The following CPSF1 variants were observed in gnomAD, a reference collection of about 807,000 sequenced individuals.
CPSF1 encodes the protein cleavage and polyadenylation specific factor 1.
CPSF1 carries 106 observed loss-of-function variants against 175.8 expected under a neutral mutation model. That is an observed-to-expected ratio of 0.60 (90% confidence interval 0.52 to 0.71). The LOEUF is 0.71. CPSF1 is among the 30% of genes least tolerant of loss of function. CPSF1 has a pLI of 0.00. For missense variants in CPSF1, 1,734 were observed against 2,022.9 expected, an observed-to-expected ratio of 0.86 and a Z score of 2.74; for synonymous variants, 1,024 against 858.3, an observed-to-expected ratio of 1.19 and a Z score of -3.37.
intron 26 of CPSF1, 164 bp downstream of exon 26, chr8:144,396,184 A>C: frequency 1.3e-6 from 1 of 740,950 alleles, no homozygotes; most frequent in Non-Finnish European, 2.2e-6. Context: ...CTTTGGAGCA[A>C]CCAAGTCACA....
rs782110971 is a variant in CPSF1 at position 144,396,643 on chromosome 8, G to C, written c.2781C>G (p.Arg927=). 1 of 1,613,698 alleles carries C rather than the reference G, an allele frequency of 6.2e-7. No individual in the cohort carries two copies. The highest frequency in any genetic ancestry group is 8.5e-7 in the Non-Finnish European group (1 of 1,179,986). ...CCTCGAAGTAGCGGAAACGCGCCAC[G>C]CGGCCCCGGGCCCCAGCCCCCTCCT... ...GAEEGAGARG[R]VARFRYFEDI... Residue 927 remains arginine, a synonymous_variant, in exon 25 of 38, where the codon CGC becomes CGG. Transcript: ENST00000616140.
In CPSF1 at chr8:144,393,914, G is replaced by C. The variant is rs139055700; in HGVS notation, c.3984C>G (p.Val1328=). 1.3e-5 allele frequency: 21 copies of C among 1,612,950 alleles called. 1 individual carries two copies. The South Asian group carries it at 2.1e-4, about 16-fold the overall frequency. The part of the protein sequence containing the change: ...GATEGLSKKS[V]VWENKHITWF... ...ACGTGATGTGCTTATTCTCCCACAC[G>C]ACCGACTTTTTGCTGAGCCCTTCAG... is the stretch of plus-strand genomic sequence containing the variant. The change falls in exon 35 of 38, where the codon GTC becomes GTG. Residue 1328 remains valine (V), a synonymous_variant. Coordinates refer to ENST00000616140, the MANE Select transcript of CPSF1 (RefSeq NM_013291.3).
At position 144,400,200 on chromosome 8, in the gene CPSF1, G is replaced by A. The variant is rs2116873332; in HGVS notation, c.903C>T (p.Asn301=). ...QSVPPYGVAL[N]SLTTGTTAFP... is the part of the protein sequence containing the mutation. Reference sequence around the variant, plus strand: ...AAGCCGTGGTTCCTGTGGTGAGGCTGTTGAGAGCCACGCCATACGGGGGGA... The same window carrying A: ...AAGCCGTGGTTCCTGTGGTGAGGCTATTGAGAGCCACGCCATACGGGGGGA... Residue 301 remains asparagine, a synonymous_variant, in exon 9 of 38, where the codon AAC becomes AAT. Coordinates refer to ENST00000616140, the MANE Select transcript of CPSF1 (RefSeq NM_013291.3). 28 of 1,583,624 alleles carry A rather than the reference G, an allele frequency of 1.8e-5. No homozygotes were observed. Among genetic ancestry groups the A allele is most frequent in the Non-Finnish European group, 2.1e-5 (24 of 1,164,392 alleles).
Position 144,409,303 on chromosome 8 carries a change from C to G in CPSF1, c.-29G>C, listed in dbSNP as rs2116914120. ...CGGCCGCCCACCTGGCAGTTGGAGC[C>G]GACTCGAGAGGAACCGGGACAGCAG... is the stretch of plus-strand genomic sequence containing the variant. On this transcript the variant is annotated 5_prime_UTR_variant, in exon 1 of 38. Coordinates refer to ENST00000616140, the MANE Select transcript of CPSF1 (RefSeq NM_013291.3). The G allele has an allele frequency of 6.0e-6, 4 of 662,986 alleles. No individual in the cohort carries two copies. 41.1% of individuals were successfully genotyped at this position (662,986 alleles called of 1,614,324 possible). A position where few individuals can be genotyped will look rare whatever the true frequency, so the allele number is the denominator to read the frequency against.
At chr8:144,400,132 C>CCCG in intron 9 of CPSF1, 34 bp downstream of exon 9, 1 of 1,067,948 alleles carries the variant, frequency 9.4e-7, no homozygotes, top group Non-Finnish European at 1.3e-6. Context: ...AAGCCGTCCC[C>CCCG]GGGCCCCCCC....
chr8:144,393,846 GC>G, intron 35 of CPSF1, 36 bp downstream of exon 35: 6 of 1,600,620 alleles, frequency 3.7e-6, no homozygotes, highest in Admixed American at 1.7e-5. Context: ...CAACCCTAGG[GC>G]CCCCCACCCA....
At chr8:144,404,219 G>T (rs1821371345) in intron 2 of CPSF1, among the ~76,000 whole-genome samples, 1 of 151,698 alleles carries the variant, frequency 6.6e-6, no homozygotes, top group Non-Finnish European at 1.5e-5. Flanking sequence ...GAGAGACTTG[G>T]TCTCAAAAAA....
chr8:144,400,004 T>C lies in CPSF1; in HGVS notation c.1019A>G (p.Lys340Arg). ...GGGAGGGGCTCACATCTCGCCGCCC[T>C]TGAGGGAGATGACCATCTTGTCGTA... is the stretch of plus-strand genomic sequence containing the variant. ...ISYDKMVISLKGGEIYVLTLI... is the reference protein window; with the variant it reads ...ISYDKMVISLRGGEIYVLTLI... The change falls in exon 10 of 38, where the codon AAG (lysine) becomes AGG (arginine). Residue 340 changes from lysine to arginine, a missense_variant. By Grantham distance (26) the Lys-to-Arg change is conservative. Around this residue, in one of 10 missense-constraint regions of CPSF1, gnomAD observed 162 missense variants for 169.5 expected, o/e 0.96. Transcript: ENST00000616140. The C allele has an allele frequency of 6.2e-7, 1 of 1,612,060 alleles. No individual in the cohort carries two copies. The highest frequency in any genetic ancestry group is 1.3e-5 in the African/African-American group (1 of 74,908).
intron 2 of CPSF1, among the ~76,000 whole-genome samples, chr8:144,404,935 C>T (rs1463718665): frequency 6.6e-6 from 1 of 151,762 alleles, no homozygotes; most frequent in Non-Finnish European, 1.5e-5. Context: ...GTCCCAGCTA[C>T]TCAGGAGGCT....
intron 1 of CPSF1, 40 bp downstream of exon 1, chr8:144,409,249 G>A (rs2116913893): frequency 4.2e-6 from 5 of 1,187,490 alleles, no homozygotes; most frequent in Non-Finnish European, 5.3e-6. Flanking sequence ...CCCCTCCCCG[G>A]CCTCGCGCTG....
chr8:144,399,943 C>G lies in CPSF1; in HGVS notation c.1031+49G>C. 6.5e-7 allele frequency: 1 copy of G among 1,539,280 alleles called. No homozygotes were observed. Among genetic ancestry groups the G allele is most frequent in the South Asian group, 1.1e-5 (1 of 87,448 alleles). On this transcript the variant is annotated intron_variant, in intron 10 of 37. Coordinates refer to ENST00000616140, the MANE Select transcript of CPSF1 (RefSeq NM_013291.3). This position sits in a 1 kb window ranked among gnomAD's most constrained non-coding sequence, Gnocchi z 6.4. ...AAGGGGGCCAGGGGACCCTACAGGACTTGTGGGGGGCGGTGTGGGCAGAGT... is the reference window on the plus strand; with the variant it reads ...AAGGGGGCCAGGGGACCCTACAGGAGTTGTGGGGGGCGGTGTGGGCAGAGT...
At chr8:144,395,650 C>T in intron 26 of CPSF1, 99 bp from the exon 27 acceptor site, 2 of 1,018,264 alleles carry the variant, frequency 2.0e-6, no homozygotes, top group East Asian at 2.6e-5. Context: ...GCCCTCAGCT[C>T]TGTGGGAGCA....
At chr8:144,396,050 T>C in intron 26 of CPSF1, 1 of 468,890 alleles carries the variant, frequency 2.1e-6, no homozygotes, top group Non-Finnish European at 3.9e-6. Context: ...GAGCTAGCAC[T>C]CACGTCAGCT....
Position 144,398,762 on chromosome 8 carries a change from A to G in CPSF1, c.1638+17T>C, listed in dbSNP as rs1820969242. 2 of 1,590,740 alleles carry G rather than the reference A, an allele frequency of 1.3e-6. No individual in the cohort carries two copies. Among genetic ancestry groups the G allele is most frequent in the African/African-American group, 2.7e-5 (2 of 74,524 alleles). On this transcript the variant is annotated intron_variant, in intron 17 of 37. Transcript: ENST00000616140. ...CGGTCCCATCCCAGGGCCTCCCTGC[A>G]GCAGGCTCGCACCTACCTCCTCCTT...
chr8:144,400,044 C>G lies in CPSF1; in HGVS notation c.979G>C (p.Ala327Pro). The G allele has an allele frequency of 6.2e-7, 1 of 1,609,076 alleles. No individual in the cohort carries two copies. Among genetic ancestry groups the G allele is most frequent in the Non-Finnish European group, 8.5e-7 (1 of 1,179,506 alleles). ...GVRITLDCAQ[A>P]TFISYDKMVI... ...ATCTTGTCGTAGGAGATGAAGGTGG[C>G]CTGGGCGCAGTCCAGGGTGATCCGC... is the stretch of plus-strand genomic sequence containing the variant. The change falls in exon 10 of 38, where the codon GCC becomes CCC. Residue 327 changes from alanine to proline, a missense_variant. Transcript: ENST00000616140.
At chr8:144,402,301 T>G (rs2116890525) in intron 2 of CPSF1, among the ~76,000 whole-genome samples, 6 of 151,238 alleles carry the variant, frequency 4.0e-5, no homozygotes, top group Admixed American at 2.6e-4. Flanking sequence ...GTTTTGTTTT[T>G]TTTTGTTTTT....
Position 144,393,554 on chromosome 8 carries a change from G to T in CPSF1, c.4182C>A (p.Ala1394=). 1 of 1,604,808 alleles carries T rather than the reference G, an allele frequency of 6.2e-7. No individual in the cohort carries two copies. Among genetic ancestry groups the T allele is most frequent in the Non-Finnish European group, 8.5e-7 (1 of 1,177,446 alleles). ...GCTCCCCATCCAGCACGTTGCGCAC[G>T]GCATTCTGGAGGGTGCGGCGGTCCA... The part of the protein sequence containing the change: ...LHVDRRTLQN[A]VRNVLDGELL... Residue 1394 remains alanine, a synonymous_variant, in exon 37 of 38, where the codon GCC becomes GCA. Transcript: ENST00000616140.
intron 2 of CPSF1, among the ~76,000 whole-genome samples, chr8:144,403,667 C>G (rs1229756259): frequency 1.3e-5 from 2 of 151,246 alleles, no homozygotes; most frequent in Non-Finnish European, 2.9e-5. Flanking sequence ...ATTCTCCTGC[C>G]TCAGCCTCCC....
Position 144,399,983 on chromosome 8 carries a change from G to C in CPSF1, c.1031+9C>G. 1 of 1,610,594 alleles carries C rather than the reference G, an allele frequency of 6.2e-7. No individual in the cohort carries two copies. The highest frequency in any genetic ancestry group is 1.1e-5 in the South Asian group (1 of 90,796). On this transcript the variant is annotated intron_variant, in intron 10 of 37. Transcript: ENST00000616140. This position sits in a 1 kb window ranked among gnomAD's most constrained non-coding sequence, Gnocchi z 6.4. ...GTGGGCAGAGTTCATGGGCGGGGGA[G>C]GGGCTCACATCTCGCCGCCCTTGAG...
Sources: allele counts gnomAD v4.1 joint callset (sites outside exome capture counted in the v4.1 genomes callset), GRCh38; gene constraint gnomAD v4.1.1; regional missense constraint gnomAD v4.1.1; non-coding constraint Gnocchi (gnomAD v3.1); transcripts MANE v1.5; gene names NCBI Gene and HGNC (gene_info 2026-07-23, HGNC 2026-07-21).